RARB: variants seen among roughly 807,000 people sequenced by gnomAD.
RARB encodes retinoic acid receptor beta, also known as HBV-activated protein.
Under a neutral mutation model 51.9 loss-of-function variants are expected in RARB, and 17 were observed. The ratio of observed to expected loss-of-function variants is 0.33; its 90% CI spans 0.22 to 0.49. The LOEUF (loss-of-function observed/expected upper bound fraction) is 0.49, where lower values mean the gene tolerates loss of function less well. RARB is among the 20% of genes least tolerant of loss of function. RARB has a pLI of 0.99. For synonymous variants in RARB, 215 were observed against 195.4 expected (o/e 1.10, Z -0.84); for missense variants, 369 against 550.8 (o/e 0.67, Z 3.30).
chr3:25,326,217 A>G (rs1704712371), intron 5 of RARB, among the ~76,000 whole-genome samples: 1 of 152,182 alleles, frequency 6.6e-6, no homozygotes, highest in Non-Finnish European at 1.5e-5. Flanking sequence ...GGGCAGTGTG[A>G]TTGGTATCCA....
intron 2 of RARB, among the ~76,000 whole-genome samples, chr3:24,942,139 T>C (rs1695680455): frequency 6.6e-6 from 1 of 152,204 alleles, no homozygotes; most frequent in Non-Finnish European, 1.5e-5. Flanking sequence ...CACACCGCTA[T>C]TATGCGGTAA....
At chr3:24,890,405 C>G (rs1322205181) in intron 2 of RARB, among the ~76,000 whole-genome samples, 2 of 152,202 alleles carry the variant, frequency 1.3e-5, no homozygotes, top group African/African-American at 4.8e-5. Flanking sequence ...GACTATATCT[C>G]AGGCTTTCTG....
intron 1 of RARB, among the ~76,000 whole-genome samples, chr3:24,832,628 A>AATATACATATATATATATATATATAT (rs1702297089): frequency 1.1e-5 from 1 of 88,456 alleles, no homozygotes; most frequent in Non-Finnish European, 2.2e-5. Flanking sequence ...ATTGAGTCCC[A>AATATACATATATATATATATATATAT]ATATATATAT....
intron 1 of RARB, among the ~76,000 whole-genome samples, chr3:24,854,455 G>C (rs1702607226): frequency 6.6e-6 from 1 of 152,146 alleles, no homozygotes; most frequent in Non-Finnish European, 1.5e-5. Context: ...TTCCTGCTTT[G>C]TGGAGCTTTC....
At chr3:25,530,349 G>T (rs759361373) in intron 3 of RARB, among the ~76,000 whole-genome samples, 7 of 152,188 alleles carry the variant, frequency 4.6e-5, no homozygotes, top group Non-Finnish European at 7.3e-5. Flanking sequence ...TATTACTGTG[G>T]TAACAAATTA....
At chr3:25,149,982 A>G (rs1700256672) in intron 4 of RARB, among the ~76,000 whole-genome samples, 1 of 152,070 alleles carries the variant, frequency 6.6e-6, no homozygotes, top group African/African-American at 2.4e-5. Flanking sequence ...TAGGTGGATC[A>G]CCTGAGGTCA....
intron 5 of RARB, among the ~76,000 whole-genome samples, chr3:25,334,077 G>A (rs1263338758): frequency 3.3e-5 from 5 of 152,206 alleles, no homozygotes; most frequent in Admixed American, 2.6e-4. Context: ...TACACTGTTG[G>A]TGGGACTGTA....
intron 2 of RARB, among the ~76,000 whole-genome samples, chr3:24,940,307 T>C (rs1695635770): frequency 6.6e-6 from 1 of 152,176 alleles, no homozygotes; most frequent in African/African-American, 2.4e-5. Flanking sequence ...TGGGAATTTC[T>C]TCATGGGCTC....
chr3:24,879,233 T>G (rs1002353265), intron 2 of RARB, among the ~76,000 whole-genome samples: 1 of 151,160 alleles, frequency 6.6e-6, no homozygotes, highest in African/African-American at 2.4e-5. Context: ...ATTGAGACCA[T>G]CCTGGCTAAC....
chr3:25,053,024 G>C (rs1159510818), intron 2 of RARB, among the ~76,000 whole-genome samples: 1 of 152,140 alleles, frequency 6.6e-6, no homozygotes, highest in Admixed American at 6.6e-5. Context: ...TTCCAATTTA[G>C]TTGAGATGTG....
At chr3:25,181,673 C>A (rs1254611210) in intron 5 of RARB, among the ~76,000 whole-genome samples, 2 of 152,142 alleles carry the variant, frequency 1.3e-5, no homozygotes, top group Non-Finnish European at 2.9e-5. Context: ...ATGAACTGAT[C>A]CTAAATCATA....
At chr3:24,908,331 A>G (rs979188794) in intron 2 of RARB, among the ~76,000 whole-genome samples, 3 of 151,678 alleles carry the variant, frequency 2.0e-5, no homozygotes, top group Admixed American at 6.6e-5. Context: ...GCAAATGCCT[A>G]TTTTTTAAAA....
At chr3:25,454,743 C>T (rs1053744938) in intron 1 of RARB, among the ~76,000 whole-genome samples, 47 of 151,962 alleles carry the variant, frequency 3.1e-4, no homozygotes, top group African/African-American at 1.1e-3. Flanking sequence ...TTAATCTAAC[C>T]TTTAGAAAAA....
At chr3:24,920,620 G>T (rs935536261) in intron 2 of RARB, among the ~76,000 whole-genome samples, 2 of 152,156 alleles carry the variant, frequency 1.3e-5, no homozygotes, top group African/African-American at 4.8e-5. Context: ...CTTGGCAGCT[G>T]CCCTAGACTA....
At chr3:25,094,668 G>T (rs1699260293) in intron 3 of RARB, among the ~76,000 whole-genome samples, 1 of 118,788 alleles carries the variant, frequency 8.4e-6, no homozygotes, top group South Asian at 2.8e-4. Context: ...AGTGAATCAA[G>T]ATCATGCCAT....
intron 1 of RARB, among the ~76,000 whole-genome samples, chr3:25,450,469 C>G (rs903962843): frequency 6.6e-6 from 1 of 152,144 alleles, no homozygotes; most frequent in Non-Finnish European, 1.5e-5. Flanking sequence ...TGAGCTCATA[C>G]CATCTGCATT....
intron 3 of RARB, among the ~76,000 whole-genome samples, chr3:25,087,798 A>G (rs1385305511): frequency 1.3e-5 from 2 of 151,996 alleles, no homozygotes; most frequent in East Asian, 3.9e-4. Context: ...AAGAAACACT[A>G]GAAAACTATA....
intron 2 of RARB, among the ~76,000 whole-genome samples, chr3:24,918,330 A>T (rs996350366): frequency 6.6e-6 from 1 of 152,202 alleles, no homozygotes; most frequent in African/African-American, 2.4e-5. Flanking sequence ...TTATATTGTA[A>T]TCTTTATTTG....
At chr3:25,145,455 A>G (rs1039993475) in intron 4 of RARB, among the ~76,000 whole-genome samples, 2 of 152,196 alleles carry the variant, frequency 1.3e-5, no homozygotes, top group South Asian at 4.1e-4. Flanking sequence ...AGTGATTCTT[A>G]GAGCTTCAGC....
Sources: gnomAD v4.1 joint callset for allele counts (sites outside exome capture counted in the v4.1 genomes callset) on GRCh38, gnomAD v4.1.1 for gene constraint, MANE v1.5 for transcripts, NCBI Gene and HGNC (gene_info 2026-07-23, HGNC 2026-07-21) for gene names.